Variants in TRMT11 observed in about 807,000 individuals in gnomAD.
The protein encoded by TRMT11 is tRNA methyltransferase 11.
A neutral mutation model predicts 62.8 loss-of-function variants in TRMT11; 53 were observed. The observed-to-expected ratio is 0.84, with a 90% CI of 0.68 to 1.06. TRMT11 has a LOEUF of 1.06. TRMT11 is among the 50% of genes least tolerant of loss of function. The pLI, the probability that TRMT11 is intolerant of heterozygous loss-of-function variation, is 0.00. For synonymous variants in TRMT11, 188 were observed against 190.3 expected (o/e 0.99, Z 0.10); for missense variants, 556 against 553.4 (o/e 1.00, Z -0.05).
At chr6:126,086,024 T>G (rs887090271) in intron 17 of TRMT11, among the ~76,000 whole-genome samples, 7 of 151,974 alleles carry the variant, frequency 4.6e-5, no homozygotes, top group Non-Finnish European at 1.0e-4. Flanking sequence ...AACAAATGAA[T>G]GAGAAGTGGT....
chr6:126,008,516 C>G lies in TRMT11; in HGVS notation c.760+44C>G, dbSNP rs187595751. ...CAGTATTATAGTCATTGCTGTGGTGCCAAATGTACCTTTAAACATACAGTT... is the reference window on the plus strand; with the variant it reads ...CAGTATTATAGTCATTGCTGTGGTGGCAAATGTACCTTTAAACATACAGTT... On this transcript the variant is annotated intron_variant, in intron 8 of 12. Coordinates refer to ENST00000334379, the MANE Select transcript of TRMT11 (RefSeq NM_001031712.3). 5.4e-5 allele frequency: 80 copies of G among 1,485,026 alleles called. No homozygotes were observed. In the East Asian group the frequency reaches 1.7e-3, roughly 32 times the overall value. The allele number at this position is 1,485,026 out of a possible 1,614,324, so 92.0% of individuals were successfully genotyped here. A position where few individuals can be genotyped will look rare whatever the true frequency, so the allele number is the denominator to read the frequency against.
At chr6:126,128,976 C>A (rs1235413252) in intron 21 of TRMT11, among the ~76,000 whole-genome samples, 1 of 147,794 alleles carries the variant, frequency 6.8e-6, no homozygotes, top group Non-Finnish European at 1.5e-5. Context: ...TTGTCTAGAG[C>A]CATTGCTTCC....
chr6:126,096,108 G>T (rs543173852), intron 17 of TRMT11, among the ~76,000 whole-genome samples: 63 of 152,274 alleles, frequency 4.1e-4, no homozygotes, highest in Non-Finnish European at 7.2e-4. Flanking sequence ...AGAAGAGTTT[G>T]GTGTGTCCAA....
At chr6:126,263,287 G>A in the TRMT11 span, among the ~76,000 whole-genome samples, 2 of 152,122 alleles carry the variant, frequency 1.3e-5, no homozygotes, top group Non-Finnish European at 2.9e-5. Context: ...GTGAATTATA[G>A]TTCCATGTCA....
intron 17 of TRMT11, among the ~76,000 whole-genome samples, chr6:126,076,652 GC>G (rs1777032046): frequency 6.6e-6 from 1 of 152,128 alleles, no homozygotes; most frequent in Non-Finnish European, 1.5e-5. Context: ...ACTACCCATT[GC>G]CTAAAAAAGT....
At chr6:126,047,590 A>G (rs1211657107) in intron 16 of TRMT11, among the ~76,000 whole-genome samples, 3 of 152,148 alleles carry the variant, frequency 2.0e-5, no homozygotes, top group Non-Finnish European at 4.4e-5. Context: ...TCAAGAGGGC[A>G]AGGTGTAAAA....
chr6:126,161,789 G>C (rs1197354181), intron 21 of TRMT11, among the ~76,000 whole-genome samples: 2 of 152,184 alleles, frequency 1.3e-5, no homozygotes, highest in Non-Finnish European at 2.9e-5. Flanking sequence ...ACTGGGGTGA[G>C]ATAGTATCTC....
At chr6:126,251,421 C>G in the TRMT11 span, among the ~76,000 whole-genome samples, 1 of 152,070 alleles carries the variant, frequency 6.6e-6, no homozygotes, top group Non-Finnish European at 1.5e-5. Context: ...TGTAGTATGA[C>G]TAAAAGCTAA....
At chr6:126,064,685 A>G (rs1236651436) in intron 17 of TRMT11, among the ~76,000 whole-genome samples, 1 of 151,658 alleles carries the variant, frequency 6.6e-6, no homozygotes, top group Non-Finnish European at 1.5e-5. Flanking sequence ...GGTCAGACAC[A>G]GGGTTTCTGT....
chr6:126,258,677 A>G, the TRMT11 span, among the ~76,000 whole-genome samples: 1 of 152,242 alleles, frequency 6.6e-6, no homozygotes, highest in Non-Finnish European at 1.5e-5. Context: ...GTTGTTCACA[A>G]TAATTCCTTA....
chr6:126,189,533 T>C (rs565542686), intron 1 of TRMT11, among the ~76,000 whole-genome samples: 9 of 152,178 alleles, frequency 5.9e-5, no homozygotes, highest in Admixed American at 4.6e-4. Context: ...TTATAGAAAA[T>C]GGGAAAATTG....
chr6:126,023,543 G>C (rs1181655972), intron 12 of TRMT11, among the ~76,000 whole-genome samples: 1 of 152,156 alleles, frequency 6.6e-6, no homozygotes, highest in African/African-American at 2.4e-5. Context: ...AGTGACTTGG[G>C]GGGCTGAGGC....
At chr6:126,229,341 C>T in the TRMT11 span, among the ~76,000 whole-genome samples, 1 of 152,148 alleles carries the variant, frequency 6.6e-6, no homozygotes, top group Non-Finnish European at 1.5e-5. Context: ...ATGCTGTCTC[C>T]ATTGCAGGAT....
At chr6:126,237,489 G>A in the TRMT11 span, among the ~76,000 whole-genome samples, 1 of 152,068 alleles carries the variant, frequency 6.6e-6, no homozygotes, top group Non-Finnish European at 1.5e-5. Flanking sequence ...AAAGCAGCAT[G>A]GGCAACATGG....
the TRMT11 span, among the ~76,000 whole-genome samples, chr6:126,251,015 T>G: frequency 2.0e-5 from 3 of 151,882 alleles, no homozygotes; most frequent in Admixed American, 6.5e-5. Flanking sequence ...CCAATTTGTT[T>G]TTTTTTTTTA....
At chr6:126,023,843 G>A (rs1169332232) in intron 12 of TRMT11, among the ~76,000 whole-genome samples, 1 of 151,940 alleles carries the variant, frequency 6.6e-6, no homozygotes, top group Non-Finnish European at 1.5e-5. Flanking sequence ...AGTTATATTT[G>A]TTACAGTAAT....
At chr6:126,244,089 T>C in the TRMT11 span, among the ~76,000 whole-genome samples, 1 of 152,138 alleles carries the variant, frequency 6.6e-6, no homozygotes, top group Admixed American at 6.5e-5. Context: ...TTCTTAGCAT[T>C]GAACAAAATA....
chr6:126,119,210 C>T (rs1340541522), intron 21 of TRMT11, among the ~76,000 whole-genome samples: 3 of 152,080 alleles, frequency 2.0e-5, no homozygotes, highest in African/African-American at 7.2e-5. Context: ...AGTGAAAGCT[C>T]CCTAAACAGA....
At chr6:126,233,167 C>T in the TRMT11 span, among the ~76,000 whole-genome samples, 2 of 152,164 alleles carry the variant, frequency 1.3e-5, no homozygotes, top group Admixed American at 1.3e-4. Flanking sequence ...GAAGAGATCA[C>T]ATCTGTGCCT....
Sources: allele counts gnomAD v4.1 joint callset (sites outside exome capture counted in the v4.1 genomes callset), GRCh38; gene constraint gnomAD v4.1.1; transcripts MANE v1.5; gene names NCBI Gene and HGNC (gene_info 2026-07-23, HGNC 2026-07-21).